RTL4: variants seen among roughly 807,000 people sequenced by gnomAD.
The protein encoded by RTL4 is retrotransposon Gag like 4, also known as retrotransposon Gag-like protein 4.
A neutral mutation model predicts 5.3 loss-of-function variants in RTL4; 4 were observed. The observed-to-expected ratio is 0.75, with a 90% confidence interval of 0.37 to 1.72. The LOEUF (loss-of-function observed/expected upper bound fraction) is 1.72, where lower values mean the gene tolerates loss of function less well. RTL4 is among the 40% of genes most tolerant of loss of function. The pLI is 0.04. For missense variants in RTL4, 260 were observed against 227.1 expected (o/e 1.14, Z -0.93); for synonymous variants, 98 against 87.3 (o/e 1.12, Z -0.68).
At chrX:112,105,036 A>G in the RTL4 span, among the ~76,000 whole-genome samples, 1 of 111,698 alleles carries the variant, frequency 9.0e-6, no homozygotes, top group African/African-American at 3.2e-5. Context: ...CGTACATTTA[A>G]TTCTGTATCC....
chrX:112,139,644 C>T, the RTL4 span, among the ~76,000 whole-genome samples: 2 of 111,817 alleles, frequency 1.8e-5, no homozygotes, highest in Admixed American at 9.5e-5. Context: ...AGAGTTGTTA[C>T]TTCTCTCTCA....
At chrX:112,319,039 A>G in the RTL4 span, among the ~76,000 whole-genome samples, 1 of 111,869 alleles carries the variant, frequency 8.9e-6, no homozygotes, top group Non-Finnish European at 1.9e-5. Context: ...AAGAAATACT[A>G]CAGGCTTGGG....
the RTL4 span, among the ~76,000 whole-genome samples, chrX:112,290,391 C>T: frequency 2.7e-5 from 3 of 111,448 alleles, no homozygotes; most frequent in East Asian, 5.7e-4. Flanking sequence ...ATTTAAAAAA[C>T]GAGGAAAGGC....
chrX:112,355,890 C>G, the RTL4 span, among the ~76,000 whole-genome samples: 2 of 111,394 alleles, frequency 1.8e-5, no homozygotes, highest in South Asian at 7.5e-4. Context: ...AGACCAGGAA[C>G]AGAATAATAT....
the RTL4 span, among the ~76,000 whole-genome samples, chrX:112,424,984 C>T: frequency 1.5e-4 from 17 of 110,939 alleles, no homozygotes; most frequent in South Asian, 6.4e-3. Context: ...TGCTGTTGTA[C>T]ATTCTATGTG....
chrX:112,193,213 T>G, the RTL4 span, among the ~76,000 whole-genome samples: 5 of 111,907 alleles, frequency 4.5e-5, no homozygotes, highest in African/African-American at 1.6e-4. Flanking sequence ...GATACATGCA[T>G]AAAATATGTA....
chrX:112,446,287 G>A, the RTL4 span, among the ~76,000 whole-genome samples: 1 of 111,487 alleles, frequency 9.0e-6, no homozygotes, highest in Admixed American at 9.5e-5. Context: ...ATAGGCCCTG[G>A]GCTAATTTGA....
At chrX:112,408,364 A>C in the RTL4 span, among the ~76,000 whole-genome samples, 1 of 109,842 alleles carries the variant, frequency 9.1e-6, no homozygotes, top group Non-Finnish European at 1.9e-5. Flanking sequence ...CAATTGACAT[A>C]CTGAATAATG....
chrX:112,092,750 T>C, the RTL4 span, among the ~76,000 whole-genome samples: 2 of 110,910 alleles, frequency 1.8e-5, no homozygotes, highest in Non-Finnish European at 3.8e-5. Context: ...TGAGATCTGA[T>C]GGTTTTAAGA....
the RTL4 span, among the ~76,000 whole-genome samples, chrX:112,368,485 C>T: frequency 4.5e-5 from 5 of 111,095 alleles, no homozygotes; most frequent in African/African-American, 1.6e-4. Context: ...ATAATTGGTT[C>T]TCAATATCAG....
the RTL4 span, among the ~76,000 whole-genome samples, chrX:112,161,830 TTCCTTC>T: frequency 1.6e-3 from 68 of 43,767 alleles, no homozygotes; most frequent in Non-Finnish European, 2.0e-3. Context: ...CCTTCCTTCC[TTCCTTC>T]CTTCCTTCCT....
At chrX:112,326,584 C>T in the RTL4 span, among the ~76,000 whole-genome samples, 18 of 111,729 alleles carry the variant, frequency 1.6e-4, no homozygotes, top group East Asian at 1.4e-3. Context: ...GGGGGAGGGG[C>T]GCCCACCATT....
rs1926827762 is a variant in RTL4, at chrX:112,455,603, A to G, written c.875A>G (p.Asp292Gly). The G allele has an allele frequency of 5.0e-6, 6 of 1,211,023 alleles. No individual in the cohort carries two copies. Among genetic ancestry groups the G allele is most frequent in the Non-Finnish European group, 6.7e-6 (6 of 895,041 alleles). The change falls in exon 1 of 1, where the codon GAT becomes GGT. Residue 292 changes from aspartate (D) to glycine (G), a missense_variant. By Grantham distance (94) the Asp-to-Gly change is moderately conservative. Transcript: ENST00000340433. The stretch of plus-strand genomic sequence containing the variant: ...AGCCAATCTGGTCACTTCACAAGAG[A>G]TTGCCTTGCCAAACGTTCTCGAGCT...
the RTL4 span, among the ~76,000 whole-genome samples, chrX:112,141,489 C>T: frequency 8.9e-6 from 1 of 112,026 alleles, no homozygotes; most frequent in Non-Finnish European, 1.9e-5. Flanking sequence ...CTCAGTCTTT[C>T]ACTATTAAGT....
chrX:112,092,288 C>T, the RTL4 span, among the ~76,000 whole-genome samples: 32 of 111,676 alleles, frequency 2.9e-4, no homozygotes, highest in South Asian at 0.012. Flanking sequence ...TTTTGTTCTT[C>T]AATTTCTCAT....
chrX:112,125,765 A>G, the RTL4 span, among the ~76,000 whole-genome samples: 1 of 111,862 alleles, frequency 8.9e-6, no homozygotes, highest in Non-Finnish European at 1.9e-5. Context: ...CATTTAAAGA[A>G]TTAAAAACTG....
chrX:112,327,720 T>C, the RTL4 span, among the ~76,000 whole-genome samples: 3 of 110,286 alleles, frequency 2.7e-5, no homozygotes, highest in Non-Finnish European at 5.7e-5. Context: ...TCACCAAAGT[T>C]GAAATGAAGG....
the RTL4 span, among the ~76,000 whole-genome samples, chrX:112,129,557 A>G: frequency 1.8e-5 from 2 of 112,370 alleles, no homozygotes; most frequent in African/African-American, 6.5e-5. Flanking sequence ...CATTTTAGTT[A>G]AAGGTGAAAG....
chrX:112,308,443 G>A, the RTL4 span, among the ~76,000 whole-genome samples: 1 of 111,504 alleles, frequency 9.0e-6, no homozygotes, highest in African/African-American at 3.3e-5. Flanking sequence ...GTTGGAGAGG[G>A]CCCTATCTTT....
Sources: gnomAD v4.1 joint callset for allele counts (sites outside exome capture counted in the v4.1 genomes callset) on GRCh38, gnomAD v4.1.1 for gene constraint, MANE v1.5 for transcripts, NCBI Gene and HGNC (gene_info 2026-07-23, HGNC 2026-07-21) for gene names.